NFIA: variants seen among roughly 807,000 people sequenced by gnomAD.
The protein encoded by NFIA is nuclear factor 1 A-type.
Under a neutral mutation model 62.8 loss-of-function variants are expected in NFIA, and 8 were observed. The ratio of observed to expected loss-of-function variants is 0.13; its 90% CI spans 0.07 to 0.23. NFIA has a LOEUF of 0.23. Ranked by LOEUF, NFIA falls within the 10% of genes least tolerant of loss-of-function variation. The probability of loss-of-function intolerance (pLI) is 1.00; values close to 1 mark genes in which losing one functional copy is unlikely to be tolerated. For synonymous variants in NFIA, 235 were observed against 238.1 expected (o/e 0.99, Z 0.12); for missense variants, 410 against 642.1 (o/e 0.64, Z 3.91).
chr1:61,414,024 C>G (rs527959804), intron 9 of NFIA, among the ~76,000 whole-genome samples: 4 of 151,730 alleles, frequency 2.6e-5, no homozygotes, highest in South Asian at 4.2e-4. Context: ...GTTCTGTCAC[C>G]CAGGCTGGAG....
upstream of NFIA, among the ~76,000 whole-genome samples, chr1:61,079,989 G>A (rs375253881): frequency 3.3e-5 from 5 of 152,242 alleles, no homozygotes; most frequent in African/African-American, 9.6e-5. Context: ...TTGGAACTGT[G>A]CTTTGTAGTG....
intron 2 of NFIA, among the ~76,000 whole-genome samples, chr1:61,198,943 T>A (rs1255396540): frequency 6.6e-6 from 1 of 152,184 alleles, no homozygotes; most frequent in Admixed American, 6.5e-5. Context: ...CACTCTGAAG[T>A]ATTATGTTTG....
At chr1:61,338,154 G>T (rs746464270) in intron 4 of NFIA, among the ~76,000 whole-genome samples, 5 of 152,206 alleles carry the variant, frequency 3.3e-5, no homozygotes, top group African/African-American at 4.8e-5. Context: ...GAAAAGCCAG[G>T]ATTCTCAGTA....
chr1:61,257,101 AAGAT>A (rs1656446152), intron 2 of NFIA, among the ~76,000 whole-genome samples: 1 of 151,960 alleles, frequency 6.6e-6, no homozygotes, highest in Non-Finnish European at 1.5e-5. Context: ...TATGTTTTTC[AAGAT>A]CGGTTCCTCT....
chr1:61,462,081 G>A lies in NFIA; in HGVS notation c.*6761G>A, dbSNP rs1569948354. Reference sequence around the variant, plus strand: ...GTTTGTTTTTTTTTCTTTTGACATTGCAACCGAAGGTCATAAGGCCGCTAG... The same window carrying A: ...GTTTGTTTTTTTTTCTTTTGACATTACAACCGAAGGTCATAAGGCCGCTAG... On this transcript the variant is annotated 3_prime_UTR_variant, in exon 11 of 11. Transcript: ENST00000403491. The A allele has an allele frequency of 1.5e-5, 1 of 67,218 alleles. No individual in the cohort carries two copies. The highest frequency in any genetic ancestry group is 2.6e-5 in the Non-Finnish European group (1 of 37,992). The allele number at this position is 67,218 out of a possible 1,614,324, so 4.2% of individuals were successfully genotyped here. A position where few individuals can be genotyped will look rare whatever the true frequency, so the allele number is the denominator to read the frequency against.
At chr1:61,189,572 G>C (rs993972873) in intron 2 of NFIA, among the ~76,000 whole-genome samples, 3 of 152,118 alleles carry the variant, frequency 2.0e-5, no homozygotes, top group East Asian at 3.9e-4. Flanking sequence ...GGCTGAGGCA[G>C]GGGAATTGCT....
intron 2 of NFIA, among the ~76,000 whole-genome samples, chr1:61,267,238 G>A (rs556422875): frequency 4.6e-5 from 7 of 152,292 alleles, no homozygotes; most frequent in Admixed American, 2.0e-4. Context: ...GCTGGGTGCC[G>A]TGGCTCATGC....
At chr1:61,160,049 A>G (rs1649084371) in intron 2 of NFIA, among the ~76,000 whole-genome samples, 1 of 152,214 alleles carries the variant, frequency 6.6e-6, no homozygotes, top group African/African-American at 2.4e-5. Flanking sequence ...AGATACAGAC[A>G]TTCTTTGGAT....
intron 7 of NFIA, among the ~76,000 whole-genome samples, chr1:61,389,106 A>G (rs1021300240): frequency 2.6e-5 from 4 of 152,164 alleles, no homozygotes; most frequent in African/African-American, 9.7e-5. Flanking sequence ...ACCCTGTCTC[A>G]AAACAACAAC....
intron 6 of NFIA, among the ~76,000 whole-genome samples, chr1:61,374,486 G>T (rs2100468954): frequency 6.6e-6 from 1 of 152,204 alleles, no homozygotes; most frequent in South Asian, 2.1e-4. Flanking sequence ...CTAGTCAAGA[G>T]ATTTTATTTT....
chr1:61,190,584 ATCTC>A (rs202022072), intron 2 of NFIA, among the ~76,000 whole-genome samples: 2,140 of 152,354 alleles, frequency 0.014, 18 homozygotes, highest in Non-Finnish European at 0.024. Flanking sequence ...TAGCTAATCT[ATCTC>A]AGGGTTTGTT....
chr1:61,352,341 T>C, intron 4 of NFIA, 109 bp from the exon 5 acceptor site: 1 of 732,864 alleles, frequency 1.4e-6, no homozygotes. Flanking sequence ...TCGATTCGCT[T>C]ACATATAAAT....
intron 4 of NFIA, among the ~76,000 whole-genome samples, chr1:61,338,537 C>A (rs186357011): frequency 6.6e-6 from 1 of 152,300 alleles, no homozygotes; most frequent in East Asian, 1.9e-4. Flanking sequence ...TTCAAGTACC[C>A]ATATTCAGAT....
intron 4 of NFIA, 22 bp from the exon 5 acceptor site, chr1:61,352,428 T>C: frequency 6.6e-7 from 1 of 1,516,836 alleles, no homozygotes; most frequent in Non-Finnish European, 9.1e-7. Flanking sequence ...TAACTGATTT[T>C]TGTTTGTTTT....
chr1:61,426,377 C>A, intron 9 of NFIA, 88 bp from the exon 10 acceptor site: 1 of 859,494 alleles, frequency 1.2e-6, no homozygotes, highest in Non-Finnish European at 1.9e-6. Flanking sequence ...TAATCAGCTG[C>A]GTCGGCTCGG....
chr1:61,310,552 A>G (rs902782132), intron 3 of NFIA, among the ~76,000 whole-genome samples: 26 of 152,192 alleles, frequency 1.7e-4, no homozygotes, highest in African/African-American at 5.8e-4. Flanking sequence ...AATGCTCTGG[A>G]TAGACCTGCC....
intron 3 of NFIA, among the ~76,000 whole-genome samples, chr1:61,312,418 G>C (rs1419861051): frequency 4.6e-5 from 7 of 152,126 alleles, no homozygotes; most frequent in African/African-American, 1.7e-4. Flanking sequence ...GGTAAAACCA[G>C]GTGAGCTCCT....
chr1:61,344,466 C>T (rs1454209478), intron 4 of NFIA, among the ~76,000 whole-genome samples: 1 of 151,740 alleles, frequency 6.6e-6, no homozygotes, highest in Non-Finnish European at 1.5e-5. Context: ...AAATATCTCT[C>T]CATTTTTTCA....
At chr1:61,197,435 C>T (rs560732466) in intron 2 of NFIA, among the ~76,000 whole-genome samples, 1 of 151,252 alleles carries the variant, frequency 6.6e-6, no homozygotes, top group South Asian at 2.1e-4. Context: ...GATGGGATTT[C>T]ACTGAGTTGG....
Sources: gnomAD v4.1 joint callset for allele counts (sites outside exome capture counted in the v4.1 genomes callset) on GRCh38, gnomAD v4.1.1 for gene constraint, MANE v1.5 for transcripts, NCBI Gene and HGNC (gene_info 2026-07-23, HGNC 2026-07-21) for gene names.